C6orf118: variants seen among roughly 807,000 people sequenced by gnomAD.
C6orf118 encodes the protein uncharacterized protein C6orf118.
C6orf118 carries 50 observed loss-of-function variants against 50.2 expected under a neutral mutation model. The ratio of observed to expected loss-of-function variants is 1.00; its 90% CI spans 0.79 to 1.26. The LOEUF is 1.26. Ranked by LOEUF, C6orf118 falls within the 50% of genes most tolerant of loss-of-function variation. C6orf118 has a pLI of 0.00. For synonymous variants in C6orf118, 239 were observed against 230.9 expected, an observed-to-expected ratio of 1.03 and a Z score of -0.32; for missense variants, 641 against 578.7, an observed-to-expected ratio of 1.11 and a Z score of -1.10.
At position 165,301,894 on chromosome 6, in the gene C6orf118, T is replaced by C. The variant is rs1439523439; in HGVS notation, c.428A>G (p.Glu143Gly). 6.2e-7 allele frequency: 1 copy of C among 1,613,652 alleles called. No homozygotes were observed. The highest frequency in any genetic ancestry group is 8.5e-7 in the Non-Finnish European group (1 of 1,179,982). The change falls in exon 2 of 9, where the codon GAG becomes GGG. Residue 143 changes from glutamate (E) to glycine (G), a missense_variant. Physicochemically the swap from Glu to Gly is moderately conservative, Grantham distance 98 (BLOSUM62 -2). Transcript: ENST00000230301. ...AGCCTCCACTGGAAGGAAATCCTCC[T>C]CTGAAGTGTGGGAAAGAGAGGCCTG... Reference protein sequence around the residue: ...NPQASLSHTSEEDFLPVEAVR... With the variant: ...NPQASLSHTSGEDFLPVEAVR...
intron 6 of C6orf118, among the ~76,000 whole-genome samples, chr6:165,291,606 T>C (rs1159195959): frequency 6.6e-6 from 1 of 152,164 alleles, no homozygotes; most frequent in East Asian, 1.9e-4. Flanking sequence ...AGAGGCCACG[T>C]CTAATAGGCA....
At chr6:165,295,995 C>T (rs2128160647) in intron 5 of C6orf118, among the ~76,000 whole-genome samples, 1 of 127,202 alleles carries the variant, frequency 7.9e-6, no homozygotes, top group African/African-American at 2.9e-5. Flanking sequence ...GTGTGGCTTT[C>T]TCACTTATGT....
chr6:165,298,228 G>T, intron 4 of C6orf118, 127 bp from the exon 5 acceptor site: 132 of 1,041,056 alleles, frequency 1.3e-4, no homozygotes, highest in East Asian at 1.6e-4. Flanking sequence ...GTTAAAATAG[G>T]TAAATTGGGA....
intron 7 of C6orf118, 68 bp from the exon 8 acceptor site, chr6:165,281,761 T>G: frequency 1.0e-6 from 1 of 995,550 alleles, no homozygotes; most frequent in African/African-American, 1.7e-5. Flanking sequence ...TTTTCTCTAT[T>G]TAACAAGATT....
intron 7 of C6orf118, among the ~76,000 whole-genome samples, 173 bp downstream of exon 7, chr6:165,289,713 A>C (rs561202524): frequency 1.3e-5 from 2 of 152,178 alleles, no homozygotes; most frequent in South Asian, 4.1e-4. Context: ...TCTTATTTTG[A>C]TAGATCTTTT....
intron 1 of C6orf118, among the ~76,000 whole-genome samples, chr6:165,307,569 ATT>A (rs33945208): frequency 9.4e-5 from 14 of 148,890 alleles, no homozygotes; most frequent in South Asian, 4.2e-4. Context: ...AAAAAAAAAA[ATT>A]TTTTTTAATC....
intron 6 of C6orf118, among the ~76,000 whole-genome samples, chr6:165,291,944 A>T (rs559096458): frequency 3.3e-5 from 5 of 152,236 alleles, no homozygotes; most frequent in African/African-American, 7.2e-5. Context: ...AACAGCCATC[A>T]TTCAACTTTG....
intron 7 of C6orf118, among the ~76,000 whole-genome samples, chr6:165,288,477 A>C (rs1779990705): frequency 6.6e-6 from 1 of 152,220 alleles, no homozygotes; most frequent in Non-Finnish European, 1.5e-5. Context: ...ATAAAGATAC[A>C]TGCACATATA....
rs1385589238 is a variant in C6orf118, at chr6:165,280,188, T to C, written c.1357-78A>G. ...ATGAAATAAAATTTCAAAATAAGCA[T>C]CTATTTTAGACACATTTACCCAAAA... On this transcript the variant is annotated intron_variant, in intron 8 of 8. Coordinates refer to ENST00000230301, the MANE Select transcript of C6orf118 (RefSeq NM_144980.4). The C allele has an allele frequency of 2.9e-6, 3 of 1,042,332 alleles. No individual in the cohort carries two copies. The African/African-American group carries it at 4.9e-5, about 17-fold the overall frequency. The allele number at this position is 1,042,332 out of a possible 1,614,324, so 64.6% of individuals were successfully genotyped here. A position where few individuals can be genotyped will look rare whatever the true frequency, so the allele number is the denominator to read the frequency against.
intron 3 of C6orf118, among the ~76,000 whole-genome samples, chr6:165,299,830 T>C (rs1239866745): frequency 6.6e-6 from 1 of 152,168 alleles, no homozygotes; most frequent in Admixed American, 6.5e-5. Flanking sequence ...ATTATAGGCA[T>C]GTGCCACCAC....
chr6:165,302,921 C>A (rs1424560507), intron 1 of C6orf118, among the ~76,000 whole-genome samples: 1 of 152,214 alleles, frequency 6.6e-6, no homozygotes, highest in African/African-American at 2.4e-5. Flanking sequence ...GGCAAAGAGG[C>A]ACATGGCCTA....
In C6orf118 at chr6:165,299,489, A is replaced by ATCCT. The variant is rs1376307899; in HGVS notation, c.889_890insAGGA (p.Leu297GlnfsTer58). On this transcript the variant is annotated frameshift_variant, in exon 4 of 9. Transcript: ENST00000230301. LOFTEE classifies it high-confidence loss of function. ...GGACTCCAGGAGCGTTGCCATGTAG[A>ATCCT]GTTCATATTCATCCTGTACAGAAAC... The ATCCT allele has an allele frequency of 1.2e-6, 2 of 1,613,964 alleles. No homozygotes were observed. Among genetic ancestry groups the ATCCT allele is most frequent in the Non-Finnish European group, 1.7e-6 (2 of 1,180,008 alleles).
At chr6:165,294,504 G>A (rs1165025245) in intron 5 of C6orf118, among the ~76,000 whole-genome samples, 1 of 152,088 alleles carries the variant, frequency 6.6e-6, no homozygotes, top group East Asian at 1.9e-4. Context: ...TGTCTACAAA[G>A]GGCCTAACAT....
At chr6:165,309,261 C>T (rs941481918) in intron 1 of C6orf118, among the ~76,000 whole-genome samples, 1 of 152,240 alleles carries the variant, frequency 6.6e-6, no homozygotes. Flanking sequence ...TCCTCCTCCT[C>T]CTCTTCAGGC....
At chr6:165,283,703 G>T (rs1407220192) in intron 7 of C6orf118, among the ~76,000 whole-genome samples, 1 of 152,094 alleles carries the variant, frequency 6.6e-6, no homozygotes, top group African/African-American at 2.4e-5. Flanking sequence ...GTCCGAAGTG[G>T]ACCCCCAGCA....
At chr6:165,290,116 T>A in intron 6 of C6orf118, 49 bp from the exon 7 acceptor site, 1 of 1,107,002 alleles carries the variant, frequency 9.0e-7, no homozygotes, top group South Asian at 1.4e-5. Context: ...ATATCTCAGT[T>A]ATTATTAATA....
intron 6 of C6orf118, among the ~76,000 whole-genome samples, chr6:165,292,374 G>T (rs79941306): frequency 0.025 from 3,783 of 152,258 alleles, 52 homozygotes; most frequent in Non-Finnish European, 0.031. Context: ...GCAATGAAAG[G>T]GTGATGGGAA....
Position 165,280,130 on chromosome 6 carries a change from G to A in C6orf118, c.1357-20C>T, listed in dbSNP as rs1779678374. On this transcript the variant is annotated intron_variant, in intron 8 of 8. Coordinates refer to ENST00000230301, the MANE Select transcript of C6orf118 (RefSeq NM_144980.4). ...AGGCCCCTTAAAATACATAAGAAAT[G>A]AATACCATAGGTTAGAAAAAAATAC... is the stretch of plus-strand genomic sequence containing the variant. 1 of 1,535,800 alleles carries A rather than the reference G, an allele frequency of 6.5e-7. No individual in the cohort carries two copies. The highest frequency in any genetic ancestry group is 1.2e-5 in the South Asian group (1 of 85,594).
At chr6:165,295,992 T>C (rs1437116692) in intron 5 of C6orf118, among the ~76,000 whole-genome samples, 1 of 139,354 alleles carries the variant, frequency 7.2e-6, no homozygotes, top group Non-Finnish European at 1.5e-5. Flanking sequence ...GTTGTGTGGC[T>C]TTCTCACTTA....
Sources: allele counts gnomAD v4.1 joint callset (sites outside exome capture counted in the v4.1 genomes callset), GRCh38; gene constraint gnomAD v4.1.1; transcripts MANE v1.5; gene names NCBI Gene and HGNC (gene_info 2026-07-23, HGNC 2026-07-21).